SLC35F3: variants seen among roughly 807,000 people sequenced by gnomAD.
SLC35F3 encodes putative thiamine transporter SLC35F3.
Under a neutral mutation model 49.9 loss-of-function variants are expected in SLC35F3, and 25 were observed. That is an observed-to-expected ratio of 0.50 (90% CI 0.37 to 0.70). The LOEUF (loss-of-function observed/expected upper bound fraction) is 0.70. Among genes scored for constraint, SLC35F3 ranks in the 30% least tolerant of loss-of-function variants. The probability of loss-of-function intolerance (pLI) is 0.00; values close to 1 mark genes in which losing one functional copy is unlikely to be tolerated. For synonymous variants in SLC35F3, 275 were observed against 265.4 expected, an observed-to-expected ratio of 1.04 and a Z score of -0.35; for missense variants, 525 against 639.8, an observed-to-expected ratio of 0.82 and a Z score of 1.94.
rs748971405 is a variant in SLC35F3, at chr1:234,323,253, T to C, written c.*10T>C. 5.6e-6 allele frequency: 9 copies of C among 1,609,030 alleles called. No homozygotes were observed. The highest frequency in any genetic ancestry group is 6.8e-6 in the Non-Finnish European group (8 of 1,177,522). ...TTCCTTCGCCCGCTAACACCACTCC[T>C]CTAGAACTCGGTGGTAATGACTGGG... On this transcript the variant is annotated 3_prime_UTR_variant, in exon 8 of 8. Coordinates refer to ENST00000366618, the MANE Select transcript of SLC35F3 (RefSeq NM_173508.4). This position sits in a 1 kb window ranked among gnomAD's most constrained non-coding sequence, Gnocchi z 4.5.
chr1:234,032,647 G>C (rs537565392), intron 2 of SLC35F3, among the ~76,000 whole-genome samples: 3 of 152,102 alleles, frequency 2.0e-5, no homozygotes, highest in Non-Finnish European at 4.4e-5. Flanking sequence ...TTAGAATAAT[G>C]GTCTCCAATT....
At chr1:233,929,193 G>T (rs1476956656) in intron 2 of SLC35F3, among the ~76,000 whole-genome samples, 2 of 152,174 alleles carry the variant, frequency 1.3e-5, no homozygotes, top group South Asian at 2.1e-4. Context: ...AACAGAATTA[G>T]CCCTTAGGGC....
At chr1:234,157,701 C>T (rs1310561935) in intron 2 of SLC35F3, among the ~76,000 whole-genome samples, 1 of 152,104 alleles carries the variant, frequency 6.6e-6, no homozygotes, top group Non-Finnish European at 1.5e-5. Flanking sequence ...GAATCATTAA[C>T]CTCATTGGCT....
intron 2 of SLC35F3, among the ~76,000 whole-genome samples, chr1:233,948,226 A>AGG (rs1392125338): frequency 2.3e-5 from 3 of 130,212 alleles, no homozygotes; most frequent in African/African-American, 6.3e-5. Context: ...AGAGGGAGAG[A>AGG]GGGAGAGAGA....
chr1:234,189,357 T>C (rs1000273080), intron 2 of SLC35F3, among the ~76,000 whole-genome samples: 3 of 150,614 alleles, frequency 2.0e-5, no homozygotes, highest in African/African-American at 7.3e-5. Context: ...GTGAGATAGA[T>C]AGCATAAATA....
At chr1:233,998,305 A>G (rs1663495203) in intron 2 of SLC35F3, among the ~76,000 whole-genome samples, 2 of 152,026 alleles carry the variant, frequency 1.3e-5, no homozygotes, top group South Asian at 4.2e-4. Flanking sequence ...GATTTGTCAT[A>G]TGTGTTGCAA....
chr1:234,296,021 C>CTG lies in SLC35F3; in HGVS notation c.609-13079_609-13078insGT, dbSNP rs1668587334. On this transcript the variant is annotated intron_variant, in intron 3 of 7. Transcript: ENST00000366618. ...TTCATCTCTTGACAGTTTAGTGAAA[C>CTG]TCAAACCAATCATTGCTGATGTGGA... 4.6e-5 allele frequency among the ~76,000 whole-genome samples: 7 copies of CTG among 152,360 alleles called. No individual in the cohort carries two copies. In the South Asian group the frequency reaches 1.4e-3, roughly 32 times the overall value.
intron 2 of SLC35F3, among the ~76,000 whole-genome samples, chr1:234,032,885 G>A (rs1664084270): frequency 6.6e-6 from 1 of 152,170 alleles, no homozygotes; most frequent in South Asian, 2.1e-4. Context: ...CTACCCAGTA[G>A]TGGGATTGCT....
intron 2 of SLC35F3, among the ~76,000 whole-genome samples, chr1:234,135,350 C>T (rs967428086): frequency 6.6e-6 from 1 of 151,954 alleles, no homozygotes; most frequent in Non-Finnish European, 1.5e-5. Context: ...AGTATATGCA[C>T]CTATTATGTA....
At chr1:234,107,030 A>C (rs182130012) in intron 2 of SLC35F3, among the ~76,000 whole-genome samples, 1 of 152,218 alleles carries the variant, frequency 6.6e-6, no homozygotes, top group South Asian at 2.1e-4. Context: ...TCAAAATCTC[A>C]GTGTCTTACA....
At chr1:234,109,914 C>G (rs1450665742) in intron 2 of SLC35F3, among the ~76,000 whole-genome samples, 4 of 152,088 alleles carry the variant, frequency 2.6e-5, no homozygotes, top group Non-Finnish European at 5.9e-5. Context: ...GATGCCATGG[C>G]CAGGGGCACA....
intron 2 of SLC35F3, among the ~76,000 whole-genome samples, chr1:234,141,450 A>T (rs1665912546): frequency 6.6e-6 from 1 of 152,156 alleles, no homozygotes; most frequent in African/African-American, 2.4e-5. Context: ...ATACTTCTTG[A>T]TGAGTTTGGA....
chr1:233,944,926 T>C (rs1462647988), intron 2 of SLC35F3, among the ~76,000 whole-genome samples: 7 of 152,076 alleles, frequency 4.6e-5, no homozygotes, highest in African/African-American at 1.7e-4. Flanking sequence ...CTGCATGATA[T>C]CTGTAGCATA....
intron 2 of SLC35F3, among the ~76,000 whole-genome samples, chr1:233,985,865 T>G (rs1663258568): frequency 1.3e-5 from 2 of 152,356 alleles, no homozygotes; most frequent in South Asian, 4.1e-4. Context: ...CTGCAGAGGT[T>G]GATGAACTTT....
intron 3 of SLC35F3, among the ~76,000 whole-genome samples, chr1:234,282,952 A>T (rs868163410): frequency 7.2e-5 from 11 of 152,246 alleles, no homozygotes; most frequent in African/African-American, 2.7e-4. Flanking sequence ...ACAAGACTAG[A>T]AAGAGAACCT....
At position 234,122,777 on chromosome 1, in the gene SLC35F3, G is replaced by A. The variant is rs537115134; in HGVS notation, c.284-108640G>A. 4.6e-5 allele frequency among the ~76,000 whole-genome samples: 7 copies of A among 152,222 alleles called. No homozygotes were observed. In the South Asian group the frequency reaches 8.3e-4, roughly 18 times the overall value. ...GATGGCTTGCAGCTTCATCATCCAC[G>A]TCCCTGCAAAGGACATGATCTCATT... On this transcript the variant is annotated intron_variant, in intron 2 of 7. Transcript: ENST00000366618.
intron 3 of SLC35F3, among the ~76,000 whole-genome samples, chr1:234,247,473 T>C (rs1466588590): frequency 2.0e-5 from 3 of 151,096 alleles, no homozygotes; most frequent in Non-Finnish European, 4.4e-5. Context: ...GTTGGTCCAT[T>C]GCTTGGTGGA....
intron 2 of SLC35F3, among the ~76,000 whole-genome samples, chr1:234,151,004 C>G (rs984540239): frequency 6.6e-6 from 1 of 152,106 alleles, no homozygotes; most frequent in Non-Finnish European, 1.5e-5. Flanking sequence ...AATACCAGGT[C>G]AGTGTAAGAG....
chr1:234,135,208 T>C (rs1236081452), intron 2 of SLC35F3, among the ~76,000 whole-genome samples: 1 of 152,178 alleles, frequency 6.6e-6, no homozygotes, highest in East Asian at 1.9e-4. Flanking sequence ...ATGTGGCACT[T>C]AGTTATCATG....
Sources: gnomAD v4.1 joint callset for allele counts (sites outside exome capture counted in the v4.1 genomes callset) on GRCh38, gnomAD v4.1.1 for gene constraint, Gnocchi (gnomAD v3.1) non-coding constraint, MANE v1.5 for transcripts, NCBI Gene and HGNC (gene_info 2026-07-23, HGNC 2026-07-21) for gene names.